Variants in DNMT3A observed in about 807,000 individuals in gnomAD.
DNMT3A encodes the protein DNA methyltransferase 3 alpha.
DNMT3A carries 267 observed loss-of-function variants against 117.6 expected under a neutral mutation model. That is an observed-to-expected ratio of 2.27 (90% CI 2.05 to 2.51). The LOEUF is 2.51. DNMT3A is among the 30% of genes most tolerant of loss of function. The pLI is 0.00. For synonymous variants in DNMT3A, 432 were observed against 474.8 expected (o/e 0.91, Z 1.17); for missense variants, 1,029 against 1,260.2 (o/e 0.82, Z 2.78).
At chr2:25,291,320 C>T (rs972397814) in intron 3 of DNMT3A, among the ~76,000 whole-genome samples, 5 of 152,248 alleles carry the variant, frequency 3.3e-5, no homozygotes, top group African/African-American at 9.6e-5. Context: ...TGCCCGCCCC[C>T]GCCCTTCCGG....
rs1674757969 is a variant in DNMT3A, at chr2:25,246,277, C to T, written c.1312G>A (p.Asp438Asn). The part of the protein sequence containing the change: ...EKNPYKEVYT[D>N]MWVEPEAAAY... ...GCTGCCTCAGGTTCCACCCACATGT[C>T]CGTGTACACTTCTTTGTAGGGATTC... Residue 438 changes from aspartate to asparagine, a missense_variant, in exon 11 of 23, where the codon GAC becomes AAC. Physicochemically the swap from Asp to Asn is conservative, Grantham distance 23 (BLOSUM62 1). Coordinates refer to ENST00000321117, the MANE Select transcript of DNMT3A (RefSeq NM_022552.5). 6.2e-7 allele frequency: 1 copy of T among 1,613,318 alleles called. No individual in the cohort carries two copies. Among genetic ancestry groups the T allele is most frequent in the Admixed American group, 1.7e-5 (1 of 59,860 alleles).
intron 6 of DNMT3A, among the ~76,000 whole-genome samples, chr2:25,259,885 C>A (rs1676461807): frequency 6.6e-6 from 1 of 152,210 alleles, no homozygotes. Flanking sequence ...AACAGCAGGA[C>A]CCCTGCCATC....
At position 25,240,442 on chromosome 2, in the gene DNMT3A, C is replaced by A; in HGVS notation, c.2182G>T (p.Gly728Cys). Residue 728 changes from glycine to cysteine, a missense_variant, in exon 19 of 23, where the codon GGC (glycine) becomes TGC (cysteine). Gly to Cys is a radical substitution (Grantham distance 159). Transcript: ENST00000321117. ...PARKGLYEGTGRLFFEFYRLL... is the reference protein window; with the variant it reads ...PARKGLYEGTCRLFFEFYRLL... ...CGGTAGAACTCAAAGAAGAGCCGGC[C>A]AGTGCCCTCTGAGAGGTCGGAAGAG... The A allele has an allele frequency of 6.2e-7, 1 of 1,608,010 alleles. No homozygotes were observed.
At chr2:25,267,908 A>T (rs2030505406) in intron 6 of DNMT3A, among the ~76,000 whole-genome samples, 1 of 152,240 alleles carries the variant, frequency 6.6e-6, no homozygotes, top group South Asian at 2.1e-4. Context: ...TGCAGAGTAC[A>T]GCCAAGTCCA....
intron 2 of DNMT3A, 124 bp downstream of exon 2, chr2:25,313,789 C>A: frequency 7.0e-7 from 1 of 1,429,368 alleles, no homozygotes. Context: ...GATGGTCCCA[C>A]ACCCTGTCGT....
rs1439724628 is a variant in DNMT3A at position 25,286,690 on chromosome 2, A to G, written c.178-3979T>C. ...AGGACAAAACCATCCAGAGGAAGGA[A>G]AAAGGTCCCAGTCAAATGGCCTGAA... is the stretch of plus-strand genomic sequence containing the variant. On this transcript the variant is annotated intron_variant, in intron 3 of 22. Coordinates refer to ENST00000321117, the MANE Select transcript of DNMT3A (RefSeq NM_022552.5). The surrounding 1 kb of genome is among the most constrained non-coding windows in gnomAD (Gnocchi z 4.3). Among the ~76,000 whole-genome samples the G allele has an allele frequency of 6.6e-6, 1 of 152,202 alleles. No individual in the cohort carries two copies. The highest frequency in any genetic ancestry group is 1.9e-4 in the East Asian group (1 of 5,196).
At chr2:25,290,148 T>TA (rs924439453) in intron 3 of DNMT3A, among the ~76,000 whole-genome samples, 10 of 152,116 alleles carry the variant, frequency 6.6e-5, no homozygotes, top group South Asian at 4.2e-4. Context: ...TGGAAGTAAT[T>TA]AAAAAAAATT....
chr2:25,330,935 C>T (rs760824990), intron 1 of DNMT3A, among the ~76,000 whole-genome samples: 4 of 152,118 alleles, frequency 2.6e-5, no homozygotes, highest in Non-Finnish European at 4.4e-5. Context: ...GACGAATGGA[C>T]CTTCCCAGGA....
In DNMT3A at chr2:25,229,103, A is replaced by G. The variant is rs1672776220; in HGVS notation, c.*5176T>C. 1 of 152,190 alleles carries G rather than the reference A, an allele frequency of 6.6e-6. No individual in the cohort carries two copies. Among genetic ancestry groups the G allele is most frequent in the African/African-American group, 2.4e-5 (1 of 41,406 alleles). 9.4% of individuals were successfully genotyped at this position (152,190 alleles called of 1,614,324 possible). A position where few individuals can be genotyped will look rare whatever the true frequency, so the allele number is the denominator to read the frequency against. ...TCGGGTCAGAGACAGGTCACCCACC[A>G]AAGGCCCACCTTAGCTGGGTCTCGG... is the stretch of plus-strand genomic sequence containing the variant. On this transcript the variant is annotated 3_prime_UTR_variant, in exon 23 of 23. Transcript: ENST00000321117.
chr2:25,340,122 G>C (rs1232892748), intron 1 of DNMT3A, among the ~76,000 whole-genome samples: 3 of 152,202 alleles, frequency 2.0e-5, no homozygotes, highest in Non-Finnish European at 4.4e-5. Context: ...GCGCGGCCCT[G>C]GGGCTCGGCC....
At chr2:25,235,045 G>A (rs1325013817) in intron 22 of DNMT3A, among the ~76,000 whole-genome samples, 1 of 152,192 alleles carries the variant, frequency 6.6e-6, no homozygotes, top group Non-Finnish European at 1.5e-5. Context: ...TGCGAGGTCT[G>A]CCTGGCCCTA....
intron 1 of DNMT3A, among the ~76,000 whole-genome samples, chr2:25,333,532 T>C (rs184564356): frequency 6.6e-6 from 1 of 152,242 alleles, no homozygotes; most frequent in East Asian, 1.9e-4. Context: ...GGTTTCACCA[T>C]GTTGGCCAGG....
chr2:25,294,426 A>G lies in DNMT3A; in HGVS notation c.177+5713T>C, dbSNP rs1173609651. Among the ~76,000 whole-genome samples the G allele has an allele frequency of 6.6e-6, 1 of 152,118 alleles. No homozygotes were observed. The highest frequency in any genetic ancestry group is 1.9e-4 in the East Asian group (1 of 5,172). Reference sequence around the variant, plus strand: ...GGAGACAGAGTGGGCAGCAGCGTGTACTGATGCAGGCTCGCAGGAAGAAAA... The same window carrying G: ...GGAGACAGAGTGGGCAGCAGCGTGTGCTGATGCAGGCTCGCAGGAAGAAAA... On this transcript the variant is annotated intron_variant, in intron 3 of 22. Coordinates refer to ENST00000321117, the MANE Select transcript of DNMT3A (RefSeq NM_022552.5). The surrounding 1 kb of genome is among the most constrained non-coding windows in gnomAD (Gnocchi z 4.7).
At chr2:25,335,627 C>T (rs1288073478) in intron 1 of DNMT3A, among the ~76,000 whole-genome samples, 7 of 152,318 alleles carry the variant, frequency 4.6e-5, no homozygotes, top group East Asian at 1.9e-4. Context: ...ACTGAGCCCC[C>T]CTCCCCTTTC....
Position 25,237,805 on chromosome 2 carries a change from A to G in DNMT3A, c.2409-800T>C, listed in dbSNP as rs1461602021. On this transcript the variant is annotated intron_variant, in intron 20 of 22. Transcript: ENST00000321117. This position sits in a 1 kb window ranked among gnomAD's most constrained non-coding sequence, Gnocchi z 5.4. The stretch of plus-strand genomic sequence containing the variant: ...CCAGACTTAAATTCTGCAGTTCCCT[A>G]AAGACCAAAAATTCTGTGACATTAA... Among the ~76,000 whole-genome samples, 2 of 151,818 alleles carry G rather than the reference A, an allele frequency of 1.3e-5. No individual in the cohort carries two copies. The highest frequency in any genetic ancestry group is 4.8e-5 in the African/African-American group (2 of 41,316).
At position 25,296,012 on chromosome 2, in the gene DNMT3A, G is replaced by A. The variant is rs183393279; in HGVS notation, c.177+4127C>T. On this transcript the variant is annotated intron_variant, in intron 3 of 22. Coordinates refer to ENST00000321117, the MANE Select transcript of DNMT3A (RefSeq NM_022552.5). This position sits in a 1 kb window ranked among gnomAD's most constrained non-coding sequence, Gnocchi z 4.2. ...TTCTCAGTGCACCAAGAAATGATAC[G>A]GTTGTAAAATATAAAATCACAGCAC... is the stretch of plus-strand genomic sequence containing the variant. Among the ~76,000 whole-genome samples the A allele has an allele frequency of 3.3e-5, 5 of 152,196 alleles. No homozygotes were observed. Among genetic ancestry groups the A allele is most frequent in the East Asian group, 1.9e-4 (1 of 5,180 alleles).
chr2:25,235,344 C>T (rs1673233449), intron 22 of DNMT3A, among the ~76,000 whole-genome samples: 1 of 152,138 alleles, frequency 6.6e-6, no homozygotes, highest in African/African-American at 2.4e-5. Flanking sequence ...GCCACCACAC[C>T]CAGCTAATTT....
intron 3 of DNMT3A, among the ~76,000 whole-genome samples, chr2:25,291,474 C>T (rs2032761120): frequency 6.6e-6 from 1 of 152,240 alleles, no homozygotes; most frequent in South Asian, 2.1e-4. Context: ...CTCGGCCTTC[C>T]TGGGGTGGAT....
chr2:25,324,113 G>A (rs1258171114), intron 1 of DNMT3A, among the ~76,000 whole-genome samples: 1 of 152,202 alleles, frequency 6.6e-6, no homozygotes, highest in Non-Finnish European at 1.5e-5. Context: ...GTGGGAGCGG[G>A]GAAGGAGGGC....
Sources: gnomAD v4.1 joint callset for allele counts (sites outside exome capture counted in the v4.1 genomes callset) on GRCh38, gnomAD v4.1.1 for gene constraint, Gnocchi (gnomAD v3.1) non-coding constraint, MANE v1.5 for transcripts, NCBI Gene and HGNC (gene_info 2026-07-23, HGNC 2026-07-21) for gene names.